TACR3: variants seen among roughly 807,000 people sequenced by gnomAD.
TACR3 encodes tachykinin receptor 3.
A neutral mutation model predicts 35.0 loss-of-function variants in TACR3; 34 were observed. The ratio of observed to expected loss-of-function variants is 0.97; its 90% confidence interval spans 0.74 to 1.30. The LOEUF is 1.30. TACR3 is among the 50% of genes most tolerant of loss of function. The pLI is 0.00. For missense variants in TACR3, 558 were observed against 591.7 expected, an observed-to-expected ratio of 0.94 and a Z score of 0.59; for synonymous variants, 233 against 221.1, an observed-to-expected ratio of 1.05 and a Z score of -0.48.
In TACR3 at chr4:103,599,754, G is replaced by A. The variant is rs79147621; in HGVS notation, c.889-8071C>T. ...TTGGTTCTGTTTATATGCTGGATTA[G>A]ATTTGTTGATTTGCGTATGTCGAAC... is the stretch of plus-strand genomic sequence containing the variant. On this transcript the variant is annotated intron_variant, in intron 3 of 4. Coordinates refer to ENST00000304883, the MANE Select transcript of TACR3 (RefSeq NM_001059.3). Among the ~76,000 whole-genome samples the A allele has an allele frequency of 4.3e-3, 647 of 152,176 alleles. 5 individuals are homozygous for A. The highest frequency in any genetic ancestry group is 0.014 in the African/African-American group (595 of 41,554).
rs1189189498 is a variant in TACR3, at chr4:103,651,055, C to A, written c.888+5139G>T. ...AATAATATATATATAAAATAATGACCACCTGGCTACCATCTATGCTTGCAG... is the reference window on the plus strand; with the variant it reads ...AATAATATATATATAAAATAATGACAACCTGGCTACCATCTATGCTTGCAG... On this transcript the variant is annotated intron_variant, in intron 3 of 4. Transcript: ENST00000304883. 1.5e-5 allele frequency among the ~76,000 whole-genome samples: 2 copies of A among 135,926 alleles called. 1 individual carries two copies. The highest frequency in any genetic ancestry group is 3.0e-5 in the Non-Finnish European group (2 of 65,744). 89.2% of individuals were successfully genotyped at this position (135,926 alleles called of 152,430 possible). A position where few individuals can be genotyped will look rare whatever the true frequency, so the allele number is the denominator to read the frequency against.
At chr4:103,619,968 C>T (rs1293689900) in intron 3 of TACR3, among the ~76,000 whole-genome samples, 2 of 151,948 alleles carry the variant, frequency 1.3e-5, no homozygotes, top group African/African-American at 2.4e-5. Flanking sequence ...AAACAGACAA[C>T]CTACAGAATG....
chr4:103,670,755 G>A (rs527615271), intron 1 of TACR3, among the ~76,000 whole-genome samples: 5 of 151,710 alleles, frequency 3.3e-5, no homozygotes, highest in Admixed American at 6.6e-5. Flanking sequence ...AGATCATATC[G>A]TTTACAAACA....
rs199524350 is a variant in TACR3 at position 103,591,461 on chromosome 4, C to T, written c.1085+26G>A. 5 of 1,612,890 alleles carry T rather than the reference C, an allele frequency of 3.1e-6. No homozygotes were observed. The South Asian group carries it at 5.5e-5, about 18-fold the overall frequency. On this transcript the variant is annotated intron_variant, in intron 4 of 4. Coordinates refer to ENST00000304883, the MANE Select transcript of TACR3 (RefSeq NM_001059.3). ...CAGTGAAGGTGGGTGTGACAAGCAA[C>T]TTGCATTTCGTAGTTTTGTTTTTAC...
chr4:103,616,803 C>T (rs755288912), intron 3 of TACR3, among the ~76,000 whole-genome samples: 8 of 151,988 alleles, frequency 5.3e-5, no homozygotes, highest in African/African-American at 9.7e-5. Context: ...CAAAAATTAG[C>T]GGGGCATGGT....
At chr4:103,630,269 T>C (rs928582590) in intron 3 of TACR3, among the ~76,000 whole-genome samples, 19 of 152,296 alleles carry the variant, frequency 1.2e-4, no homozygotes, top group Admixed American at 1.2e-3. Flanking sequence ...ATTCAGGACA[T>C]AGGCATGGGC....
intron 1 of TACR3, among the ~76,000 whole-genome samples, chr4:103,705,403 A>G (rs866289696): frequency 2.5e-4 from 38 of 152,212 alleles, no homozygotes; most frequent in African/African-American, 8.4e-4. Flanking sequence ...TTATTCATCA[A>G]TCCAGAGTGC....
intron 1 of TACR3, among the ~76,000 whole-genome samples, chr4:103,674,829 C>T (rs1266952814): frequency 1.3e-5 from 2 of 152,178 alleles, no homozygotes; most frequent in Admixed American, 6.5e-5. Context: ...GGATTACAGG[C>T]GTGAGCCACC....
At chr4:103,614,884 G>GTTTGTTTTTTTT (rs1724601485) in intron 3 of TACR3, among the ~76,000 whole-genome samples, 3 of 72,006 alleles carry the variant, frequency 4.2e-5, no homozygotes, top group African/African-American at 1.8e-4. Context: ...TTATGAATGT[G>GTTTGTTTTTTTT]TTTTTTTTTT....
intron 3 of TACR3, among the ~76,000 whole-genome samples, chr4:103,607,824 A>AAGCAGTGT (rs1724416817): frequency 1.3e-5 from 2 of 152,134 alleles, no homozygotes; most frequent in Admixed American, 6.6e-5. Context: ...TATCAGGAAC[A>AAGCAGTGT]AGCAGTGTTT....
In TACR3 at chr4:103,586,530, A is replaced by G. The variant is rs1723774818; in HGVS notation, c.*3152T>C. 1 of 152,108 alleles carries G rather than the reference A, an allele frequency of 6.6e-6. No individual in the cohort carries two copies. The highest frequency in any genetic ancestry group is 6.6e-5 in the Admixed American group (1 of 15,234). 9.4% of individuals were successfully genotyped at this position (152,108 alleles called of 1,614,324 possible). On this transcript the variant is annotated 3_prime_UTR_variant, in exon 5 of 5. Coordinates refer to ENST00000304883, the MANE Select transcript of TACR3 (RefSeq NM_001059.3). Reference sequence around the variant, plus strand: ...ACTAAATTCAAATGTTGAGCTGGCCAGCATTTATTTTTCACATTTATTTTG... The same window carrying G: ...ACTAAATTCAAATGTTGAGCTGGCCGGCATTTATTTTTCACATTTATTTTG...
chr4:103,601,229 C>G (rs1052365587), intron 3 of TACR3, among the ~76,000 whole-genome samples: 1 of 150,636 alleles, frequency 6.6e-6, no homozygotes, highest in Admixed American at 6.6e-5. Flanking sequence ...TTTTTGTTTT[C>G]CATTTGCTTG....
intron 1 of TACR3, among the ~76,000 whole-genome samples, chr4:103,658,957 G>T (rs1725784260): frequency 6.6e-6 from 1 of 152,136 alleles, no homozygotes. Context: ...GTCCCATCTG[G>T]GGTTGATGGG....
At chr4:103,607,547 G>T (rs1473615684) in intron 3 of TACR3, among the ~76,000 whole-genome samples, 1 of 151,908 alleles carries the variant, frequency 6.6e-6, no homozygotes, top group East Asian at 1.9e-4. Context: ...TAGCAGGCTG[G>T]ATGTTTGGAA....
chr4:103,708,304 C>T (rs1247930992), intron 1 of TACR3, among the ~76,000 whole-genome samples: 1 of 149,714 alleles, frequency 6.7e-6, no homozygotes, highest in South Asian at 2.2e-4. Flanking sequence ...TGAGATGAAG[C>T]TTCCAGAGGA....
At chr4:103,621,774 G>A (rs369392037) in intron 3 of TACR3, among the ~76,000 whole-genome samples, 161 of 152,274 alleles carry the variant, frequency 1.1e-3, no homozygotes, top group Non-Finnish European at 1.9e-3. Context: ...ACTTTGAAGC[G>A]TCTACTACAC....
chr4:103,633,284 T>C (rs1277817026), intron 3 of TACR3, among the ~76,000 whole-genome samples: 7 of 152,138 alleles, frequency 4.6e-5, no homozygotes, highest in Non-Finnish European at 8.8e-5. Flanking sequence ...AGTAATTTAC[T>C]AAATAAAGAA....
At chr4:103,678,108 C>A (rs139555723) in intron 1 of TACR3, among the ~76,000 whole-genome samples, 1 of 152,194 alleles carries the variant, frequency 6.6e-6, no homozygotes, top group Non-Finnish European at 1.5e-5. Context: ...ATCTTCTGTG[C>A]AACTTGAATA....
At chr4:103,667,978 C>A (rs58992652) in intron 1 of TACR3, among the ~76,000 whole-genome samples, 23,320 of 151,858 alleles carry the variant, frequency 0.15, 2,338 homozygotes, top group East Asian at 0.43. Flanking sequence ...AGAGGTGTGC[C>A]CCAACACTCC....
Sources: gnomAD v4.1 joint callset for allele counts (sites outside exome capture counted in the v4.1 genomes callset) on GRCh38, gnomAD v4.1.1 for gene constraint, MANE v1.5 for transcripts, NCBI Gene and HGNC (gene_info 2026-07-23, HGNC 2026-07-21) for gene names.